The following TM9SF3 variants were observed in gnomAD, a reference collection of about 807,000 sequenced individuals.
TM9SF3 encodes the protein SM-11044-binding protein.
In TM9SF3, 14 loss-of-function variants were observed where a neutral mutation model predicts 78.6. That is an observed-to-expected ratio of 0.18 (90% CI 0.12 to 0.28). TM9SF3 has a LOEUF of 0.28. Ranked by LOEUF, TM9SF3 falls within the 10% of genes least tolerant of loss-of-function variation. TM9SF3 has a pLI of 1.00. For synonymous variants in TM9SF3, 231 were observed against 241.7 expected, an observed-to-expected ratio of 0.96 and a Z score of 0.41; for missense variants, 496 against 721.9, an observed-to-expected ratio of 0.69 and a Z score of 3.59.
intron 9 of TM9SF3, among the ~76,000 whole-genome samples, chr10:96,536,804 G>A (rs1283943845): frequency 6.6e-6 from 1 of 152,118 alleles, no homozygotes; most frequent in Non-Finnish European, 1.5e-5. Context: ...CTCTTTTGAA[G>A]AGACAGGGTC....
intron 9 of TM9SF3, 80 bp downstream of exon 9, chr10:96,543,996 G>A: frequency 7.1e-7 from 1 of 1,404,236 alleles, no homozygotes; most frequent in Non-Finnish European, 9.6e-7. Flanking sequence ...CATCTAATAA[G>A]AAGTATTTTG....
intron 14 of TM9SF3, among the ~76,000 whole-genome samples, chr10:96,525,576 G>A (rs1445759470): frequency 6.6e-6 from 1 of 151,748 alleles, no homozygotes; most frequent in Non-Finnish European, 1.5e-5. Flanking sequence ...CTTTTAATAA[G>A]ATTACCATAT....
intron 9 of TM9SF3, among the ~76,000 whole-genome samples, chr10:96,537,588 T>G (rs1019614396): frequency 6.6e-6 from 1 of 152,182 alleles, no homozygotes; most frequent in African/African-American, 2.4e-5. Flanking sequence ...ATCCCAGCAC[T>G]TTGGGAGGCC....
intron 10 of TM9SF3, among the ~76,000 whole-genome samples, chr10:96,531,208 CTT>C (rs879351896): frequency 4.6e-5 from 7 of 152,194 alleles, no homozygotes; most frequent in Non-Finnish European, 8.8e-5. Flanking sequence ...GATGCCTTCT[CTT>C]GTCTCGTATT....
chr10:96,539,777 T>C (rs766116314), intron 9 of TM9SF3, among the ~76,000 whole-genome samples: 3 of 152,100 alleles, frequency 2.0e-5, no homozygotes, highest in Non-Finnish European at 4.4e-5. Context: ...CTCTCAGAAT[T>C]AGGCTAGGAT....
Position 96,570,254 on chromosome 10 carries a change from A to C in TM9SF3, c.299-4828T>G, listed in dbSNP as rs79133752. On this transcript the variant is annotated intron_variant, in intron 2 of 14. Coordinates refer to ENST00000371142, the MANE Select transcript of TM9SF3 (RefSeq NM_020123.4). ...GGATTTGTTAAATAAACTTTAATAAATATATGTAGAATGAACTCAACTTTC... is the reference window on the plus strand; with the variant it reads ...GGATTTGTTAAATAAACTTTAATAACTATATGTAGAATGAACTCAACTTTC... Among the ~76,000 whole-genome samples the C allele has an allele frequency of 5.8e-3, 886 of 152,380 alleles. 6 individuals carry two copies. Among genetic ancestry groups the C allele is most frequent in the South Asian group, 0.014 (69 of 4,832 alleles).
chr10:96,525,282 A>G (rs2134128026), intron 14 of TM9SF3, among the ~76,000 whole-genome samples: 1 of 152,156 alleles, frequency 6.6e-6, no homozygotes, highest in Non-Finnish European at 1.5e-5. Flanking sequence ...GACACAATGT[A>G]GTTTTAACCT....
intron 2 of TM9SF3, among the ~76,000 whole-genome samples, chr10:96,568,899 G>A (rs1346658618): frequency 2.9e-4 from 44 of 152,158 alleles, no homozygotes; most frequent in Non-Finnish European, 2.9e-5. Flanking sequence ...AGAATTAAAA[G>A]CATCAGGCCA....
rs1028073970 is a variant in TM9SF3 at position 96,571,761 on chromosome 10, A to G, written c.298+4873T>C. On this transcript the variant is annotated intron_variant, in intron 2 of 14. Coordinates refer to ENST00000371142, the MANE Select transcript of TM9SF3 (RefSeq NM_020123.4). ...AGTTGCGAAATTCAAGGAAGAAAAA[A>G]ATTCAAGGGAAGATCGATAAAATAA... 2.5e-4 allele frequency among the ~76,000 whole-genome samples: 38 copies of G among 152,360 alleles called. 1 individual carries two copies. The highest frequency in any genetic ancestry group is 8.9e-4 in the African/African-American group (37 of 41,580).
At position 96,530,619 on chromosome 10, in the gene TM9SF3, T is replaced by A. The variant is rs1446603966; in HGVS notation, c.1326-11A>T. 1 of 1,602,934 alleles carries A rather than the reference T, an allele frequency of 6.2e-7. No homozygotes were observed. On this transcript the variant is annotated splice_polypyrimidine_tract_variant and intron_variant, in intron 10 of 14. Coordinates refer to ENST00000371142, the MANE Select transcript of TM9SF3 (RefSeq NM_020123.4). ...GCAGGCTCCATGAACCTGGAAAATA[T>A]TAAAATTAATAGTAAACTTCTAGTA...
chr10:96,574,040 A>G (rs914829078), intron 2 of TM9SF3, among the ~76,000 whole-genome samples: 9 of 152,240 alleles, frequency 5.9e-5, no homozygotes, highest in African/African-American at 1.9e-4. Context: ...AAAACACCAA[A>G]AGCAATGGCA....
At chr10:96,575,564 A>C (rs1173621196) in intron 2 of TM9SF3, among the ~76,000 whole-genome samples, 1 of 152,190 alleles carries the variant, frequency 6.6e-6, no homozygotes, top group Non-Finnish European at 1.5e-5. Flanking sequence ...ATCGAAATTA[A>C]AGTAACATTA....
chr10:96,531,312 T>TGCCTCTTGAAAATACCTCCACC, intron 10 of TM9SF3, among the ~76,000 whole-genome samples: 1 of 152,168 alleles, frequency 6.6e-6, no homozygotes, highest in Non-Finnish European at 1.5e-5. Context: ...ATTCTTCCAC[T>TGCCTCTTGAAAATACCTCCACC]GCCTCTTGAA....
rs1411560230 is a variant in TM9SF3, at chr10:96,519,001, G to A, written c.*3262C>T. On this transcript the variant is annotated 3_prime_UTR_variant, in exon 15 of 15. Coordinates refer to ENST00000371142, the MANE Select transcript of TM9SF3 (RefSeq NM_020123.4). ...GAAATCTAAACTTAAAACCCAGATG[G>A]AACTGCCATATAGATTACAAATGGG... 6.6e-6 allele frequency: 1 copy of A among 151,982 alleles called. No homozygotes were observed. The highest frequency in any genetic ancestry group is 2.4e-5 in the African/African-American group (1 of 41,416). 9.4% of individuals were successfully genotyped at this position (151,982 alleles called of 1,614,324 possible). A position where few individuals can be genotyped will look rare whatever the true frequency, so the allele number is the denominator to read the frequency against.
chr10:96,549,061 T>A (rs1411413090), intron 7 of TM9SF3, among the ~76,000 whole-genome samples: 1 of 152,056 alleles, frequency 6.6e-6, no homozygotes, highest in Non-Finnish European at 1.5e-5. Context: ...CTTACCACTC[T>A]CCAGTGAAAA....
rs370197060 is a variant in TM9SF3, at chr10:96,549,816, T to TAAAA, written c.959+1428_959+1429insTTTT. Among the ~76,000 whole-genome samples, 35 of 121,796 alleles carry TAAAA rather than the reference T, an allele frequency of 2.9e-4. 10 individuals are homozygous for TAAAA. The highest frequency in any genetic ancestry group is 5.0e-4 in the South Asian group (2 of 4,004). The allele number at this position is 121,796 out of a possible 152,430, so 79.9% of individuals were successfully genotyped here. A position where few individuals can be genotyped will look rare whatever the true frequency, so the allele number is the denominator to read the frequency against. ...CTTTAAGTAGAAGAGCTTCTGCATTTTAAAAAAAAAAAAAAAAAAAGAGCT... is the reference window on the plus strand; with the variant it reads ...CTTTAAGTAGAAGAGCTTCTGCATTTAAAATAAAAAAAAAAAAAAAAAAAGAGCT... On this transcript the variant is annotated intron_variant, in intron 7 of 14. Transcript: ENST00000371142.
intron 2 of TM9SF3, 22 bp from the exon 3 acceptor site, chr10:96,565,448 A>ATT (rs772326663): frequency 6.8e-5 from 105 of 1,533,002 alleles, no homozygotes; most frequent in Middle Eastern, 6.8e-4. Flanking sequence ...AAAAATTGCA[A>ATT]ATTAGCCCAC....
At chr10:96,560,924 G>C (rs1283297842) in intron 4 of TM9SF3, 1 of 509,586 alleles carries the variant, frequency 2.0e-6, no homozygotes, top group Non-Finnish European at 3.8e-6. Context: ...AAAGTGCATT[G>C]AACAGTTCAG....
Position 96,562,147 on chromosome 10 carries a change from G to GA in TM9SF3, c.422-10dup. Reference sequence around the variant, plus strand: ...AGCCTCACCAACAATACCTACAAAAGAAAAAACACTTTATACAAGGTAAAA... The same window carrying GA: ...AGCCTCACCAACAATACCTACAAAAGAAAAAAACACTTTATACAAGGTAAAA... On this transcript the variant is annotated splice_polypyrimidine_tract_variant and intron_variant, in intron 3 of 14. Transcript: ENST00000371142. 5 of 1,568,844 alleles carry GA rather than the reference G, an allele frequency of 3.2e-6. No individual in the cohort carries two copies. Among genetic ancestry groups the GA allele is most frequent in the Non-Finnish European group, 3.5e-6 (4 of 1,156,806 alleles).
Sources: allele counts gnomAD v4.1 joint callset (sites outside exome capture counted in the v4.1 genomes callset), GRCh38; gene constraint gnomAD v4.1.1; transcripts MANE v1.5; gene names NCBI Gene and HGNC (gene_info 2026-07-23, HGNC 2026-07-21).